HS6ST2: variants seen among roughly 807,000 people sequenced by gnomAD.
The protein encoded by HS6ST2 is heparan sulfate 6-O-sulfotransferase 2, also known as heparan-sulfate 6-O-sulfotransferase 2.
HS6ST2 carries 17 observed loss-of-function variants against 33.0 expected under a neutral mutation model. That is an observed-to-expected ratio of 0.52 (90% CI 0.35 to 0.77). The LOEUF (loss-of-function observed/expected upper bound fraction) is 0.77, where lower values mean the gene tolerates loss of function less well. Among genes scored for constraint, HS6ST2 ranks in the 30% least tolerant of loss-of-function variants. HS6ST2 has a pLI of 0.01. For missense variants in HS6ST2, 519 were observed against 551.7 expected (o/e 0.94, Z 0.59); for synonymous variants, 248 against 237.1 (o/e 1.05, Z -0.42).
intron 4 of HS6ST2, among the ~76,000 whole-genome samples, chrX:132,662,790 T>G (rs2063783313): frequency 8.9e-6 from 1 of 112,383 alleles, no homozygotes; most frequent in Non-Finnish European, 1.9e-5. Context: ...TCATTTCTTG[T>G]AGCATCTAAT....
Position 132,626,041 on chromosome X carries a change from A to G in HS6ST2, c.*2182T>C, listed in dbSNP as rs2063479126. On this transcript the variant is annotated 3_prime_UTR_variant, in exon 5 of 5. Transcript: ENST00000370833. ...GTAATTTAAACTTTATTTCATATCTATTGTTAAATTACACAAAATCAGTGA... is the reference window on the plus strand; with the variant it reads ...GTAATTTAAACTTTATTTCATATCTGTTGTTAAATTACACAAAATCAGTGA... The G allele has an allele frequency of 8.9e-6, 1 of 112,892 alleles. No individual in the cohort carries two copies. The highest frequency in any genetic ancestry group is 3.2e-5 in the African/African-American group (1 of 30,978). The allele number at this position is 112,892 out of a possible 1,213,427, so 9.3% of individuals were successfully genotyped here. A position where few individuals can be genotyped will look rare whatever the true frequency, so the allele number is the denominator to read the frequency against.
chrX:132,959,906 C>A (rs937755479), upstream of HS6ST2, among the ~76,000 whole-genome samples: 3 of 112,314 alleles, frequency 2.7e-5, no homozygotes, highest in African/African-American at 9.7e-5. Context: ...TCAGGCAATT[C>A]TGTGGCTGTG....
At chrX:132,828,461 G>A (rs2065547232) in intron 2 of HS6ST2, among the ~76,000 whole-genome samples, 1 of 108,860 alleles carries the variant, frequency 9.2e-6, no homozygotes, top group South Asian at 4.0e-4. Context: ...CCAATGTAAG[G>A]TGGCAGAAAT....
intron 2 of HS6ST2, among the ~76,000 whole-genome samples, chrX:132,948,323 A>C (rs2066976671): frequency 8.9e-6 from 1 of 112,315 alleles, no homozygotes; most frequent in African/African-American, 3.2e-5. Context: ...CCCACAGTTT[A>C]ATCAGAAAAA....
At chrX:132,638,257 T>A (rs2063576878) in intron 4 of HS6ST2, among the ~76,000 whole-genome samples, 2 of 109,645 alleles carry the variant, frequency 1.8e-5, no homozygotes. Context: ...AATAAAAGTA[T>A]GGTAAATTGA....
At chrX:132,812,560 C>T (rs779958886) in intron 2 of HS6ST2, among the ~76,000 whole-genome samples, 8 of 97,941 alleles carry the variant, frequency 8.2e-5, no homozygotes, top group Admixed American at 7.7e-4. Context: ...TGCTTATTGG[C>T]CATTTGTATA....
chrX:132,693,663 T>C (rs2064083272), intron 3 of HS6ST2, among the ~76,000 whole-genome samples: 1 of 112,061 alleles, frequency 8.9e-6, no homozygotes, highest in South Asian at 3.8e-4. Flanking sequence ...GAGTGTTAAC[T>C]ATCTAAACCA....
At chrX:132,737,090 T>C (rs10482420) in intron 2 of HS6ST2, among the ~76,000 whole-genome samples, 15,076 of 110,746 alleles carry the variant, frequency 0.14, 885 homozygotes, top group East Asian at 0.29. Context: ...AACGATCTCA[T>C]TTTACACATG....
At chrX:132,891,473 G>A (rs868102693) in intron 2 of HS6ST2, among the ~76,000 whole-genome samples, 9 of 108,132 alleles carry the variant, frequency 8.3e-5, no homozygotes, top group Middle Eastern at 9.4e-3. Context: ...CCATGCTGGT[G>A]TGCTGCACCC....
At chrX:132,634,686 C>T (rs753021013) in intron 4 of HS6ST2, among the ~76,000 whole-genome samples, 1 of 112,042 alleles carries the variant, frequency 8.9e-6, no homozygotes, top group South Asian at 3.7e-4. Flanking sequence ...TAGGGAGGAA[C>T]TGCCTGAAAC....
intron 4 of HS6ST2, among the ~76,000 whole-genome samples, chrX:132,629,485 C>T (rs759256868): frequency 2.7e-5 from 3 of 111,966 alleles, no homozygotes; most frequent in South Asian, 3.8e-4. Context: ...CCACTCTAAA[C>T]CATTTAGTGA....
chrX:132,752,471 C>CA (rs751283316), intron 2 of HS6ST2, among the ~76,000 whole-genome samples: 22,516 of 59,468 alleles, frequency 0.38, 3,644 homozygotes, highest in Non-Finnish European at 0.41. Context: ...GACTCCGTCT[C>CA]AAAAAAAAAA....
chrX:132,839,879 G>A lies in HS6ST2; in HGVS notation c.947+116929C>T, dbSNP rs375371545. 2.3e-4 allele frequency among the ~76,000 whole-genome samples: 25 copies of A among 110,937 alleles called. No individual in the cohort carries two copies. The East Asian group carries it at 4.9e-3, about 22-fold the overall frequency. ...TGTCTGTGATCCCAACACTTTGGGA[G>A]GCCGAGACACGTAAATCACTTGAGG... is the stretch of plus-strand genomic sequence containing the variant. On this transcript the variant is annotated intron_variant, in intron 2 of 4. Transcript: ENST00000370833.
intron 2 of HS6ST2, among the ~76,000 whole-genome samples, chrX:132,767,021 G>A (rs185997986): frequency 8.1e-5 from 9 of 111,674 alleles, no homozygotes; most frequent in Admixed American, 9.5e-5. Flanking sequence ...TGACCTCAAC[G>A]ACCTGATTAC....
At position 132,804,518 on chromosome X, in the gene HS6ST2, G is replaced by A. The variant is rs146551260; in HGVS notation, c.948-96024C>T. ...CTTCACCCATTCATAAGAAAAAGGG[G>A]GGTGGGCATGGTGGTTCACACCTGT... On this transcript the variant is annotated intron_variant, in intron 2 of 4. Coordinates refer to ENST00000370833, the MANE Select transcript of HS6ST2 (RefSeq NM_001394073.1). Among the ~76,000 whole-genome samples the A allele has an allele frequency of 1.4e-3, 156 of 112,368 alleles. 1 individual carries two copies. The East Asian group carries it at 0.037, about 27-fold the overall frequency.
At chrX:132,936,874 A>T (rs1214768717) in intron 2 of HS6ST2, among the ~76,000 whole-genome samples, 1 of 111,620 alleles carries the variant, frequency 9.0e-6, no homozygotes, top group Non-Finnish European at 1.9e-5. Context: ...AAAGAAAAAA[A>T]AAAAAGAAAG....
intron 3 of HS6ST2, among the ~76,000 whole-genome samples, chrX:132,675,662 C>T (rs1402260512): frequency 9.0e-6 from 1 of 111,426 alleles, no homozygotes; most frequent in Admixed American, 9.5e-5. Context: ...TCACAGAGTA[C>T]ATCCTATGCT....
At chrX:132,730,156 T>C (rs1047490507) in intron 2 of HS6ST2, among the ~76,000 whole-genome samples, 1 of 111,713 alleles carries the variant, frequency 9.0e-6, no homozygotes, top group Non-Finnish European at 1.9e-5. Context: ...TGGGGTTACA[T>C]CCAAGTCTTC....
chrX:132,908,837 C>T (rs763629862), intron 2 of HS6ST2, among the ~76,000 whole-genome samples: 1 of 109,629 alleles, frequency 9.1e-6, no homozygotes, highest in Non-Finnish European at 1.9e-5. Context: ...TACTAAAAAC[C>T]ACTGAATTTT....
Sources: allele counts gnomAD v4.1 joint callset (sites outside exome capture counted in the v4.1 genomes callset), GRCh38; gene constraint gnomAD v4.1.1; transcripts MANE v1.5; gene names NCBI Gene and HGNC (gene_info 2026-07-23, HGNC 2026-07-21).